The following FNDC3A variants were observed in gnomAD, a reference collection of about 807,000 sequenced individuals.
FNDC3A encodes fibronectin type-III domain-containing protein 3A.
Under a neutral mutation model 148.9 loss-of-function variants are expected in FNDC3A, and 32 were observed. The ratio of observed to expected loss-of-function variants is 0.21; its 90% CI spans 0.16 to 0.29. The LOEUF is 0.29. Among genes scored for constraint, FNDC3A ranks in the 10% least tolerant of loss-of-function variants. The pLI is 1.00. For missense variants in FNDC3A, 1,191 were observed against 1,452.8 expected (o/e 0.82, Z 2.93); for synonymous variants, 472 against 473.6 (o/e 1.00, Z 0.04).
Position 49,185,675 on chromosome 13 carries a change from A to G in FNDC3A, c.1618-289A>G, listed in dbSNP as rs1885530530. Among the ~76,000 whole-genome samples the G allele has an allele frequency of 2.0e-5, 3 of 152,204 alleles. 1 individual carries two copies. In the South Asian group the frequency reaches 6.2e-4, roughly 32 times the overall value. On this transcript the variant is annotated intron_variant, in intron 14 of 25. Transcript: ENST00000492622. The stretch of plus-strand genomic sequence containing the variant: ...AAAGCAAGCCTAAAGCCCATGAAGA[A>G]TCACCAGATTATAGCTTGTTCCTCT...
intron 8 of FNDC3A, among the ~76,000 whole-genome samples, chr13:49,160,298 C>T (rs929475429): frequency 1.3e-5 from 2 of 152,064 alleles, no homozygotes; most frequent in African/African-American, 2.4e-5. Context: ...ACTTCAGAGC[C>T]TGTTATTGGT....
chr13:49,082,707 TCA>T (rs991828639), intron 3 of FNDC3A, among the ~76,000 whole-genome samples: 1 of 151,724 alleles, frequency 6.6e-6, no homozygotes, highest in Non-Finnish European at 1.5e-5. Flanking sequence ...GAGAACCATA[TCA>T]CATCAGAGAA....
At chr13:49,064,419 A>AC (rs1201785863) in intron 2 of FNDC3A, among the ~76,000 whole-genome samples, 3 of 135,952 alleles carry the variant, frequency 2.2e-5, no homozygotes, top group Non-Finnish European at 3.1e-5. Flanking sequence ...CCCAAAAAAA[A>AC]AACAACAAGG....
intron 19 of FNDC3A, among the ~76,000 whole-genome samples, chr13:49,192,747 G>T (rs1159813512): frequency 6.6e-6 from 1 of 152,056 alleles, no homozygotes; most frequent in African/African-American, 2.4e-5. Context: ...TTTCAGGTTT[G>T]TGATAATTTG....
Position 49,167,319 on chromosome 13 carries a change from A to G in FNDC3A, c.1037+16A>G. 6.5e-7 allele frequency: 1 copy of G among 1,538,636 alleles called. No individual in the cohort carries two copies. The highest frequency in any genetic ancestry group is 8.9e-7 in the Non-Finnish European group (1 of 1,121,018). On this transcript the variant is annotated intron_variant, in intron 9 of 25. Coordinates refer to ENST00000492622, the MANE Select transcript of FNDC3A (RefSeq NM_001079673.2). Reference sequence around the variant, plus strand: ...ACCATGCAAAGTAAGGAATTCCTACAGATTGCCTTTATAAGATACAGCATA... The same window carrying G: ...ACCATGCAAAGTAAGGAATTCCTACGGATTGCCTTTATAAGATACAGCATA...
chr13:49,168,513 T>C (rs1180573616), intron 9 of FNDC3A, 100 bp from the exon 10 acceptor site: 1 of 707,020 alleles, frequency 1.4e-6, no homozygotes, highest in East Asian at 2.8e-5. Context: ...ATAGAACTTT[T>C]AGTGGACACC....
At chr13:49,177,517 G>T (rs1247811816) in intron 13 of FNDC3A, among the ~76,000 whole-genome samples, 1 of 151,934 alleles carries the variant, frequency 6.6e-6, no homozygotes, top group Non-Finnish European at 1.5e-5. Flanking sequence ...AAATGGCATT[G>T]GTCCACCCCT....
intron 4 of FNDC3A, among the ~76,000 whole-genome samples, chr13:49,125,101 G>C (rs1881613319): frequency 6.6e-6 from 1 of 152,136 alleles, no homozygotes; most frequent in Non-Finnish European, 1.5e-5. Flanking sequence ...TCGACTTTGG[G>C]AAAAGTTTCA....
intron 1 of FNDC3A, among the ~76,000 whole-genome samples, chr13:48,991,558 C>G (rs1390461390): frequency 6.6e-6 from 1 of 151,906 alleles, no homozygotes; most frequent in Non-Finnish European, 1.5e-5. Context: ...TGTGGTGGCA[C>G]ACGCCTGTAG....
intron 16 of FNDC3A, among the ~76,000 whole-genome samples, chr13:49,188,184 T>C (rs2138098569): frequency 6.6e-6 from 1 of 152,366 alleles, no homozygotes; most frequent in East Asian, 1.9e-4. Flanking sequence ...CCTCTGATAC[T>C]GGTTTTTTGT....
intron 23 of FNDC3A, among the ~76,000 whole-genome samples, chr13:49,200,015 A>G (rs113606149): frequency 5.2e-4 from 79 of 152,318 alleles, no homozygotes; most frequent in African/African-American, 1.6e-3. Context: ...AACTAGGGCT[A>G]TTTATTCACA....
chr13:49,064,402 C>G (rs1342285477), intron 2 of FNDC3A, among the ~76,000 whole-genome samples: 2 of 3,190 alleles, frequency 6.3e-4, no homozygotes, highest in Admixed American at 1.7e-3. Flanking sequence ...TTGCCCCCCG[C>G]CCCCCCCCCA....
intron 3 of FNDC3A, among the ~76,000 whole-genome samples, chr13:49,099,750 A>T (rs976925834): frequency 1.3e-5 from 2 of 152,298 alleles, no homozygotes; most frequent in East Asian, 3.8e-4. Flanking sequence ...TAACATTTTT[A>T]TAGTACTTAA....
At chr13:49,089,355 A>G (rs1382110001) in intron 3 of FNDC3A, among the ~76,000 whole-genome samples, 1 of 152,250 alleles carries the variant, frequency 6.6e-6, no homozygotes, top group Non-Finnish European at 1.5e-5. Context: ...CATAACCTAC[A>G]TAATTTCCAG....
intron 2 of FNDC3A, 41 bp from the exon 3 acceptor site, chr13:49,075,248 T>C: frequency 7.2e-6 from 9 of 1,241,852 alleles, no homozygotes; most frequent in Non-Finnish European, 9.4e-6. Context: ...CTGATTTGCT[T>C]TTTTTTGTTT....
chr13:49,131,501 T>C, intron 5 of FNDC3A, 127 bp downstream of exon 5: 1 of 718,670 alleles, frequency 1.4e-6, no homozygotes, highest in South Asian at 1.6e-5. Context: ...ATTTTTCTTT[T>C]ACTCAAGTAC....
chr13:49,177,466 T>A (rs1414171158), intron 13 of FNDC3A, among the ~76,000 whole-genome samples: 1 of 152,154 alleles, frequency 6.6e-6, no homozygotes, highest in Admixed American at 6.5e-5. Context: ...CTATATATAG[T>A]TCATAGATTT....
chr13:49,178,519 A>G, intron 13 of FNDC3A, 49 bp from the exon 14 acceptor site: 2 of 1,142,424 alleles, frequency 1.8e-6, no homozygotes, highest in Non-Finnish European at 1.3e-6. Context: ...TATTGCCCAT[A>G]TTTCTATTGT....
At chr13:49,145,563 T>A (rs1043910039) in intron 7 of FNDC3A, among the ~76,000 whole-genome samples, 13 of 152,210 alleles carry the variant, frequency 8.5e-5, no homozygotes, top group Admixed American at 5.2e-4. Context: ...CTAATAGTTT[T>A]GAATGGCCTG....
Sources: gnomAD v4.1 joint callset for allele counts (sites outside exome capture counted in the v4.1 genomes callset) on GRCh38, gnomAD v4.1.1 for gene constraint, MANE v1.5 for transcripts, NCBI Gene and HGNC (gene_info 2026-07-23, HGNC 2026-07-21) for gene names.